Variants in AKAP9 observed in about 807,000 individuals in gnomAD.
AKAP9 encodes the protein A-kinase anchoring protein 9.
AKAP9 carries 311 observed loss-of-function variants against 488.5 expected under a neutral mutation model. The ratio of observed to expected loss-of-function variants is 0.64; its 90% CI spans 0.58 to 0.70. The LOEUF is 0.70. Among genes scored for constraint, AKAP9 ranks in the 30% least tolerant of loss-of-function variants. AKAP9 has a pLI of 0.00. For missense variants in AKAP9, 4,215 were observed against 4,374.5 expected (o/e 0.96, Z 1.03); for synonymous variants, 1,462 against 1,483.5 (o/e 0.99, Z 0.33).
intron 14 of AKAP9, among the ~76,000 whole-genome samples, chr7:92,024,415 AAT>A (rs1554417357): frequency 1.4e-5 from 2 of 144,418 alleles, no homozygotes; most frequent in Admixed American, 7.1e-5. Flanking sequence ...CTGCCTAAAA[AAT>A]ATATATATAT....
At position 92,002,732 on chromosome 7, in the gene AKAP9, A is replaced by G. The variant is rs367762142; in HGVS notation, c.2815A>G (p.Thr939Ala). Residue 939 changes from threonine to alanine, a missense_variant, in exon 8 of 50, where the codon ACA becomes GCA. By Grantham distance (58) the Thr-to-Ala change is moderately conservative (BLOSUM62 0). Transcript: ENST00000356239. ...EMGEVVEKDT[T>A]ELMEKLEVTK... ...GGGTGAGGTTGTTGAAAAGGATACA[A>G]CAGAACTCATGGAAAAACTTGAGGT... 1.9e-6 allele frequency: 3 copies of G among 1,613,692 alleles called. No individual in the cohort carries two copies. Among genetic ancestry groups the G allele is most frequent in the Admixed American group, 1.7e-5 (1 of 59,986 alleles).
rs563999637 is a variant in AKAP9, at chr7:92,046,760, A to G, written c.5368+1547A>G. ...TTTTCTTGGTCTGATAAAAGTGTTT[A>G]TCAAATTATGCTTTTTAAAAAACAA... is the stretch of plus-strand genomic sequence containing the variant. On this transcript the variant is annotated intron_variant, in intron 21 of 49. Coordinates refer to ENST00000356239, the MANE Select transcript of AKAP9 (RefSeq NM_005751.5). Among the ~76,000 whole-genome samples the G allele has an allele frequency of 3.3e-5, 5 of 152,342 alleles. No individual in the cohort carries two copies. The East Asian group carries it at 9.6e-4, about 29-fold the overall frequency.
Position 92,099,793 on chromosome 7 carries a change from A to G in AKAP9, c.10820A>G (p.Asn3607Ser). 1 of 1,614,142 alleles carries G rather than the reference A, an allele frequency of 6.2e-7. No individual in the cohort carries two copies. Among genetic ancestry groups the G allele is most frequent in the South Asian group, 1.1e-5 (1 of 91,082 alleles). Reference sequence around the variant, plus strand: ...ATCAGTCAACTGACTGAAGAGAAGAATGACTTAAGGAACATGGTTATGAAG... The same window carrying G: ...ATCAGTCAACTGACTGAAGAGAAGAGTGACTTAAGGAACATGGTTATGAAG... The part of the protein sequence containing the change: ...GHISQLTEEK[N>S]DLRNMVMKLE... The change falls in exon 44 of 50, where the codon AAT becomes AGT. Residue 3607 changes from asparagine (N) to serine (S), a missense_variant. Physicochemically the swap from Asn to Ser is conservative, Grantham distance 46 (BLOSUM62 1). Around this residue, in one of 5 missense-constraint regions of AKAP9, gnomAD observed 74 missense variants for 113.0 expected, o/e 0.65. Coordinates refer to ENST00000356239, the MANE Select transcript of AKAP9 (RefSeq NM_005751.5).
intron 1 of AKAP9, among the ~76,000 whole-genome samples, chr7:91,968,755 T>G (rs1036212867): frequency 6.6e-6 from 1 of 152,236 alleles, no homozygotes. Context: ...CTGCTTTTGC[T>G]TTATCACATA....
intron 7 of AKAP9, 39 bp from the exon 8 acceptor site, chr7:92,000,809 A>G (rs764232979): frequency 2.6e-6 from 3 of 1,132,102 alleles, no homozygotes; most frequent in Non-Finnish European, 3.7e-6. Flanking sequence ...GCCAGAAGCT[A>G]AAAATGCCAT....
At chr7:92,081,497 A>ATAT (rs1370452281) in intron 31 of AKAP9, among the ~76,000 whole-genome samples, 209 of 85,364 alleles carry the variant, frequency 2.4e-3, no homozygotes, top group African/African-American at 7.9e-3. Context: ...ATATATATAT[A>ATAT]TTTTTTTTTT....
rs781407265 is a variant in AKAP9 at position 92,079,066 on chromosome 7, CATTA to C, written c.6946-8_6946-5del. The C allele has an allele frequency of 5.8e-6, 9 of 1,548,710 alleles. No homozygotes were observed. The highest frequency in any genetic ancestry group is 4.8e-5 in the East Asian group (2 of 42,072). On this transcript the variant is annotated splice_polypyrimidine_tract_variant and intron_variant, in intron 30 of 49. Transcript: ENST00000356239. ...TATATATTATGTATGTTACCTTTTT[CATTA>C]ATTATTAGGTTATTGAAGAAAAAAA...
intron 1 of AKAP9, among the ~76,000 whole-genome samples, chr7:91,949,284 T>A (rs1361163371): frequency 1.3e-5 from 2 of 152,170 alleles, no homozygotes; most frequent in Non-Finnish European, 2.9e-5. Flanking sequence ...ATTTTTAGGC[T>A]TTTTGGGCTT....
intron 8 of AKAP9, 84 bp from the exon 9 acceptor site, chr7:92,012,342 TGTA>T (rs1800862102): frequency 1.6e-6 from 2 of 1,216,686 alleles, no homozygotes; most frequent in Non-Finnish European, 2.3e-6. Flanking sequence ...TTTAAACTCT[TGTA>T]GTCAGTATAT....
intron 1 of AKAP9, among the ~76,000 whole-genome samples, chr7:91,950,114 T>C (rs1792004854): frequency 6.6e-6 from 1 of 152,178 alleles, no homozygotes; most frequent in South Asian, 2.1e-4. Context: ...GGGTATAAAA[T>C]CTAGGCTCTC....
intron 2 of AKAP9, among the ~76,000 whole-genome samples, chr7:91,977,415 G>T (rs989895605): frequency 1.3e-5 from 2 of 152,164 alleles, no homozygotes; most frequent in African/African-American, 2.4e-5. Flanking sequence ...AATTAGCGGG[G>T]CATGGTGGTG....
At chr7:91,961,903 A>T (rs1584592291) in intron 1 of AKAP9, among the ~76,000 whole-genome samples, 1 of 152,230 alleles carries the variant, frequency 6.6e-6, no homozygotes, top group East Asian at 1.9e-4. Context: ...TCATTTATTC[A>T]TGTTCTGATC....
At chr7:91,951,595 G>A (rs576057031) in intron 1 of AKAP9, among the ~76,000 whole-genome samples, 22 of 152,298 alleles carry the variant, frequency 1.4e-4, no homozygotes, top group Admixed American at 2.6e-4. Context: ...AGTGTGCTGG[G>A]ATTATAGGTG....
intron 1 of AKAP9, among the ~76,000 whole-genome samples, chr7:91,968,923 G>A (rs1794733887): frequency 6.6e-6 from 1 of 152,082 alleles, no homozygotes; most frequent in Non-Finnish European, 1.5e-5. Flanking sequence ...CCAGGCTGGA[G>A]TGCAGTGGTG....
At chr7:91,968,744 A>G (rs1336676699) in intron 1 of AKAP9, among the ~76,000 whole-genome samples, 1 of 152,054 alleles carries the variant, frequency 6.6e-6, no homozygotes, top group Non-Finnish European at 1.5e-5. Flanking sequence ...CCCTCTCAGT[A>G]CTGCTTTTGC....
At chr7:91,956,509 A>C (rs961000938) in intron 1 of AKAP9, among the ~76,000 whole-genome samples, 1 of 151,930 alleles carries the variant, frequency 6.6e-6, no homozygotes, top group Non-Finnish European at 1.5e-5. Context: ...ATTGATTCTG[A>C]GCTGCTTTGT....
intron 8 of AKAP9, among the ~76,000 whole-genome samples, chr7:92,007,021 A>T (rs1799961034): frequency 6.6e-6 from 1 of 152,122 alleles, no homozygotes; most frequent in African/African-American, 2.4e-5. Context: ...TAATTTTTTT[A>T]AATGAATGAA....
At chr7:92,012,831 CA>C (rs1360229974) in intron 9 of AKAP9, among the ~76,000 whole-genome samples, 189 bp downstream of exon 9, 1 of 152,066 alleles carries the variant, frequency 6.6e-6, no homozygotes, top group Non-Finnish European at 1.5e-5. Context: ...TAGGAAGTCA[CA>C]ATCCATTGCG....
chr7:92,094,990 C>T, intron 39 of AKAP9, 33 bp from the exon 40 acceptor site: 1 of 1,609,376 alleles, frequency 6.2e-7, no homozygotes, highest in Non-Finnish European at 8.5e-7. Context: ...GTCAACATAG[C>T]TTTATGGAAA....
Sources: allele counts gnomAD v4.1 joint callset (sites outside exome capture counted in the v4.1 genomes callset), GRCh38; gene constraint gnomAD v4.1.1; regional missense constraint gnomAD v4.1.1; transcripts MANE v1.5; gene names NCBI Gene and HGNC (gene_info 2026-07-23, HGNC 2026-07-21).